The following SCN11A variants were observed in gnomAD, a reference collection of about 807,000 sequenced individuals.
SCN11A encodes sodium voltage-gated channel alpha subunit 11.
A neutral mutation model predicts 162.2 loss-of-function variants in SCN11A; 122 were observed. The ratio of observed to expected loss-of-function variants is 0.75; its 90% CI spans 0.65 to 0.87. SCN11A has a LOEUF of 0.87. Ranked by LOEUF, SCN11A falls within the 40% of genes least tolerant of loss-of-function variation. The pLI is 0.00. For synonymous variants in SCN11A, 758 were observed against 751.5 expected (o/e 1.01, Z -0.14); for missense variants, 2,015 against 2,181.6 (o/e 0.92, Z 1.52).
At chr3:38,848,585 T>C (rs1410517255) in intron 29 of SCN11A, among the ~76,000 whole-genome samples, 1 of 152,176 alleles carries the variant, frequency 6.6e-6, no homozygotes, top group Non-Finnish European at 1.5e-5. Flanking sequence ...CATACTTTAA[T>C]TGGAAAGTCA....
intron 20 of SCN11A, 138 bp downstream of exon 20, chr3:38,885,987 C>T: frequency 1.8e-6 from 1 of 568,088 alleles, no homozygotes; most frequent in Non-Finnish European, 3.2e-6. Flanking sequence ...AGTTGAGAAA[C>T]CTGGCCTAGA....
At chr3:39,039,331 G>T (rs1303075333) in intron 1 of SCN11A, among the ~76,000 whole-genome samples, 1 of 152,148 alleles carries the variant, frequency 6.6e-6, no homozygotes, top group African/African-American at 2.4e-5. Context: ...TATTTATTTT[G>T]CCTATGGCAG....
In SCN11A at chr3:38,921,206, G is replaced by C; in HGVS notation, c.762C>G (p.Val254=). Reference sequence around the variant, plus strand: ...AAAAGAAGGTGAGGATAATCACGTTGACCAGCTTCTTCACAGAGCGTAGCA... The same window carrying C: ...AAAAGAAGGTGAGGATAATCACGTTCACCAGCTTCTTCACAGAGCGTAGCA... The part of the protein sequence containing the change: ...GALLRSVKKL[V]NVIILTFFCL... Residue 254 remains valine, a synonymous_variant, in exon 10 of 30, where the codon GTC becomes GTG. Coordinates refer to ENST00000302328, the MANE Select transcript of SCN11A (RefSeq NM_001349253.2). 1 of 1,614,054 alleles carries C rather than the reference G, an allele frequency of 6.2e-7. No individual in the cohort carries two copies.
chr3:38,928,166 A>C (rs1417713142), intron 7 of SCN11A, among the ~76,000 whole-genome samples: 1 of 152,228 alleles, frequency 6.6e-6, no homozygotes, highest in Non-Finnish European at 1.5e-5. Flanking sequence ...ATATGGATTA[A>C]AGTCCTAAAT....
At position 38,846,732 on chromosome 3, in the gene SCN11A, T is replaced by C. The variant is rs375109258; in HGVS notation, c.5338A>G (p.Ser1780Gly). 3 of 1,614,020 alleles carry C rather than the reference T, an allele frequency of 1.9e-6. No individual in the cohort carries two copies. The African/African-American group carries it at 4.0e-5, about 22-fold the overall frequency. Reference sequence around the variant, plus strand: ...ACCTTGCCCTTGGCCACCCCAAAGCTAGACAAGTCTCCATTGCAAAGAGTC... The same window carrying C: ...ACCTTGCCCTTGGCCACCCCAAAGCCAGACAAGTCTCCATTGCAAAGAGTC... ...LQTLCNGDLS[S>G]FGVAKGKVHC... Residue 1780 changes from serine to glycine, a missense_variant, in exon 30 of 30, where the codon AGC becomes GGC. By Grantham distance (56) the Ser-to-Gly change is moderately conservative (BLOSUM62 0). Transcript: ENST00000302328.
intron 2 of SCN11A, among the ~76,000 whole-genome samples, chr3:39,015,088 G>A (rs1228984520): frequency 6.6e-6 from 1 of 151,974 alleles, no homozygotes; most frequent in Non-Finnish European, 1.5e-5. Context: ...AATTGCCATT[G>A]TAGCAATATT....
At chr3:38,927,211 A>T (rs1211350264) in intron 7 of SCN11A, among the ~76,000 whole-genome samples, 1 of 152,202 alleles carries the variant, frequency 6.6e-6, no homozygotes, top group Non-Finnish European at 1.5e-5. Flanking sequence ...CATGAGACCC[A>T]AGCACTGGAG....
intron 2 of SCN11A, among the ~76,000 whole-genome samples, chr3:39,013,839 TA>T (rs1467884667): frequency 6.6e-6 from 1 of 152,248 alleles, no homozygotes; most frequent in African/African-American, 2.4e-5. Context: ...TATCTTCTCA[TA>T]CCTGGTTGCC....
At chr3:38,878,828 T>C (rs2065262608) in intron 23 of SCN11A, among the ~76,000 whole-genome samples, 1 of 152,128 alleles carries the variant, frequency 6.6e-6, no homozygotes. Context: ...AACATTATGG[T>C]TCTCCAGTGG....
intron 7 of SCN11A, among the ~76,000 whole-genome samples, chr3:38,932,905 A>G (rs960560018): frequency 3.3e-5 from 5 of 151,686 alleles, no homozygotes; most frequent in South Asian, 2.1e-4. Context: ...ATCTGAGAAC[A>G]GGCAGACTGC....
At position 38,985,289 on chromosome 3, in the gene SCN11A, G is replaced by A. The variant is rs1489673844; in HGVS notation, c.-279-24866C>T. On this transcript the variant is annotated intron_variant, in intron 2 of 29. Transcript: ENST00000302328. ...ACTACAGGCACCCGCCACTACGCCCGGCTAATTTTTTTTTGTATTTTTAGT... is the reference window on the plus strand; with the variant it reads ...ACTACAGGCACCCGCCACTACGCCCAGCTAATTTTTTTTTGTATTTTTAGT... Among the ~76,000 whole-genome samples, 6 of 149,926 alleles carry A rather than the reference G, an allele frequency of 4.0e-5. 1 individual carries two copies. Among genetic ancestry groups the A allele is most frequent in the Non-Finnish European group, 8.8e-5 (6 of 67,940 alleles).
At chr3:38,912,504 C>T (rs1219978795) in intron 11 of SCN11A, among the ~76,000 whole-genome samples, 4 of 151,934 alleles carry the variant, frequency 2.6e-5, no homozygotes, top group Non-Finnish European at 4.4e-5. Flanking sequence ...TAGGTTCTGG[C>T]GTACATGTGC....
chr3:38,879,089 T>C (rs2065267120), intron 23 of SCN11A, among the ~76,000 whole-genome samples: 1 of 152,160 alleles, frequency 6.6e-6, no homozygotes, highest in Non-Finnish European at 1.5e-5. Flanking sequence ...AAGGATGTAA[T>C]GTTAAATCAA....
chr3:38,894,793 T>G lies in SCN11A; in HGVS notation c.2575A>C (p.Arg859=), dbSNP rs774561498. The G allele has an allele frequency of 1.9e-6, 3 of 1,614,248 alleles. No individual in the cohort carries two copies. Among genetic ancestry groups the G allele is most frequent in the South Asian group, 2.2e-5 (2 of 91,088 alleles). Reference sequence around the variant, plus strand: ...TTTTGCTGTGGTAAGTTTTGCTTCCTGCACCACTTGTGACAGAAATGCTCA... The same window carrying G: ...TTTTGCTGTGGTAAGTTTTGCTTCCGGCACCACTTGTGACAGAAATGCTCA... ...TLEHFCHKWC[R]KQNLPQQKEV... Residue 859 remains arginine, a synonymous_variant, in exon 19 of 30, where the codon AGG becomes CGG. Transcript: ENST00000302328.
At chr3:38,950,060 C>CCA in intron 5 of SCN11A, 36 bp downstream of exon 5, 2 of 87,894 alleles carry the variant, frequency 2.3e-5, no homozygotes, top group Admixed American at 1.1e-4. Flanking sequence ...TTAGAACACC[C>CCA]CCACCCCCAC....
intron 21 of SCN11A, 71 bp from the exon 22 acceptor site, chr3:38,883,458 C>T: frequency 6.8e-7 from 1 of 1,460,252 alleles, no homozygotes; most frequent in South Asian, 1.3e-5. Context: ...ACTCTTCACC[C>T]CTTTCTGTGT....
chr3:38,860,580 T>C (rs1048751116), intron 28 of SCN11A, among the ~76,000 whole-genome samples: 2 of 152,130 alleles, frequency 1.3e-5, no homozygotes, highest in African/African-American at 4.8e-5. Context: ...GCAGGGATGG[T>C]TTAACATACG....
chr3:38,993,313 G>GA (rs376350170), intron 2 of SCN11A, among the ~76,000 whole-genome samples: 167 of 151,886 alleles, frequency 1.1e-3, no homozygotes, highest in African/African-American at 3.8e-3. Context: ...ACCGGGATCA[G>GA]AAAAAAAAGA....
rs1235657813 is a variant in SCN11A, at chr3:38,900,087, A to C, written c.1843-14T>G. ...GCTAGTGAAAACCTAGAGTGGGACA[A>C]AGAAGAATGAGAGAAGGAAGCTGCG... On this transcript the variant is annotated splice_polypyrimidine_tract_variant and intron_variant, in intron 16 of 29. Transcript: ENST00000302328. 6.2e-7 allele frequency: 1 copy of C among 1,610,220 alleles called. No individual in the cohort carries two copies. Among genetic ancestry groups the C allele is most frequent in the Non-Finnish European group, 8.5e-7 (1 of 1,176,818 alleles).
Sources: gnomAD v4.1 joint callset for allele counts (sites outside exome capture counted in the v4.1 genomes callset) on GRCh38, gnomAD v4.1.1 for gene constraint, MANE v1.5 for transcripts, NCBI Gene and HGNC (gene_info 2026-07-23, HGNC 2026-07-21) for gene names.